The following ARHGAP26 variants were observed in gnomAD, a reference collection of about 807,000 sequenced individuals.
The protein encoded by ARHGAP26 is rho GTPase-activating protein 26.
A neutral mutation model predicts 104.8 loss-of-function variants in ARHGAP26; 38 were observed. The observed-to-expected ratio is 0.36, with a 90% CI of 0.28 to 0.48. ARHGAP26 has a LOEUF of 0.48. Ranked by LOEUF, ARHGAP26 falls within the 20% of genes least tolerant of loss-of-function variation. The probability of loss-of-function intolerance (pLI) is 0.99; values close to 1 mark genes in which losing one functional copy is unlikely to be tolerated. For synonymous variants in ARHGAP26, 341 were observed against 340.0 expected, an observed-to-expected ratio of 1.00 and a Z score of -0.03; for missense variants, 704 against 947.9, an observed-to-expected ratio of 0.74 and a Z score of 3.38.
At chr5:143,147,525 G>A in intron 20 of ARHGAP26, 144 bp downstream of exon 20, 1 of 946,198 alleles carries the variant, frequency 1.1e-6, no homozygotes, top group Non-Finnish European at 1.5e-6. Flanking sequence ...AGCTCAGCTG[G>A]CTTGTTGTGG....
chr5:142,941,550 C>T (rs1766354668), intron 11 of ARHGAP26, among the ~76,000 whole-genome samples: 1 of 152,078 alleles, frequency 6.6e-6, no homozygotes, highest in African/African-American at 2.4e-5. Flanking sequence ...ATCAAGAAGC[C>T]AGTTGCAAGC....
intron 20 of ARHGAP26, among the ~76,000 whole-genome samples, chr5:143,197,869 G>A (rs75116629): frequency 0.038 from 5,723 of 152,198 alleles, 153 homozygotes; most frequent in Non-Finnish European, 0.058. Context: ...GTCTAGCACC[G>A]TGTATAAAAG....
At chr5:143,191,744 T>C (rs1805951796) in intron 20 of ARHGAP26, among the ~76,000 whole-genome samples, 1 of 152,192 alleles carries the variant, frequency 6.6e-6, no homozygotes, top group African/African-American at 2.4e-5. Flanking sequence ...AGTGGGTGGC[T>C]GAGAATGAAT....
intron 1 of ARHGAP26, among the ~76,000 whole-genome samples, chr5:142,847,627 G>A (rs938008267): frequency 1.3e-5 from 2 of 152,212 alleles, no homozygotes; most frequent in Admixed American, 6.5e-5. Context: ...AAAGTGCTGG[G>A]ATTATAGGCG....
Position 143,157,172 on chromosome 5 carries a change from C to CTT in ARHGAP26, c.1988+9809_1988+9810dup, listed in dbSNP as rs56740224. ...TTGGACTAAGTTCAACACATTCTTTCTTTTTTTTTTTTTTTTTTTCTCGAG... is the reference window on the plus strand; with the variant it reads ...TTGGACTAAGTTCAACACATTCTTTCTTTTTTTTTTTTTTTTTTTTTCTCGAG... On this transcript the variant is annotated intron_variant, in intron 20 of 22. Coordinates refer to ENST00000645722, the MANE Select transcript of ARHGAP26 (RefSeq NM_001135608.3). Among the ~76,000 whole-genome samples the CTT allele has an allele frequency of 1.0e-3, 144 of 141,282 alleles. 1 individual carries two copies. The highest frequency in any genetic ancestry group is 3.6e-3 in the African/African-American group (134 of 37,530). 92.7% of individuals were successfully genotyped at this position (141,282 alleles called of 152,430 possible). A position where few individuals can be genotyped will look rare whatever the true frequency, so the allele number is the denominator to read the frequency against.
chr5:143,077,382 A>G (rs1233358766), intron 17 of ARHGAP26, among the ~76,000 whole-genome samples: 1 of 152,214 alleles, frequency 6.6e-6, no homozygotes, highest in African/African-American at 2.4e-5. Flanking sequence ...AGGATTACAG[A>G]TGGGCTGATG....
intron 20 of ARHGAP26, among the ~76,000 whole-genome samples, chr5:143,157,128 G>A (rs1236604295): frequency 6.6e-6 from 1 of 151,874 alleles, no homozygotes; most frequent in African/African-American, 2.4e-5. Flanking sequence ...TACAGGAAGG[G>A]AAGGGGGCAA....
Position 143,228,542 on chromosome 5 carries a change from C to G in ARHGAP26, c.*6096C>G. ...ACCCATGAATGCTTAGTAGCTAAGG[C>G]TAGTGTTCAAAAGCACTCTAAAAGA... On this transcript the variant is annotated 3_prime_UTR_variant, in exon 23 of 23. Coordinates refer to ENST00000645722, the MANE Select transcript of ARHGAP26 (RefSeq NM_001135608.3). 1 of 220,734 alleles carries G rather than the reference C, an allele frequency of 4.5e-6. No individual in the cohort carries two copies. The highest frequency in any genetic ancestry group is 9.1e-6 in the Non-Finnish European group (1 of 110,006). 13.7% of individuals were successfully genotyped at this position (220,734 alleles called of 1,614,324 possible).
At chr5:143,173,165 T>TA (rs1803014598) in intron 20 of ARHGAP26, 1 of 165,770 alleles carries the variant, frequency 6.0e-6, no homozygotes, top group Admixed American at 6.4e-5. Flanking sequence ...GGTAAGTGAG[T>TA]AAAAGTTACC....
chr5:143,074,576 A>G (rs1367139173), intron 17 of ARHGAP26, among the ~76,000 whole-genome samples: 1 of 152,258 alleles, frequency 6.6e-6, no homozygotes, highest in African/African-American at 2.4e-5. Context: ...CTCAGTGTTC[A>G]TAAAGTTTTA....
intron 1 of ARHGAP26, among the ~76,000 whole-genome samples, chr5:142,805,113 T>G (rs1370052766): frequency 2.0e-5 from 3 of 151,740 alleles, no homozygotes; most frequent in Admixed American, 1.3e-4. Flanking sequence ...TTTCTTTTTT[T>G]TTTTTTTGAG....
chr5:142,901,083 T>C (rs1310386217), intron 6 of ARHGAP26, among the ~76,000 whole-genome samples: 1 of 152,152 alleles, frequency 6.6e-6, no homozygotes, highest in African/African-American at 2.4e-5. Context: ...ACAGTGAGGT[T>C]TGGATGTAAG....
chr5:142,786,003 AGTCTT>A (rs1432953514), intron 1 of ARHGAP26, among the ~76,000 whole-genome samples: 17 of 150,056 alleles, frequency 1.1e-4, no homozygotes, highest in Admixed American at 9.2e-4. Context: ...AAATAGACAG[AGTCTT>A]GTCTTGTCAC....
At chr5:142,949,872 G>A (rs1768035999) in intron 11 of ARHGAP26, among the ~76,000 whole-genome samples, 1 of 152,218 alleles carries the variant, frequency 6.6e-6, no homozygotes, top group East Asian at 1.9e-4. Context: ...AAAGTTCATA[G>A]CATTTATTAA....
chr5:142,899,466 A>G (rs759031630), intron 6 of ARHGAP26, among the ~76,000 whole-genome samples: 2 of 152,222 alleles, frequency 1.3e-5, no homozygotes, highest in Non-Finnish European at 2.9e-5. Flanking sequence ...AGAAGGAGGC[A>G]CAGGGAGGCG....
intron 1 of ARHGAP26, among the ~76,000 whole-genome samples, chr5:142,796,988 G>C (rs1329340554): frequency 1.3e-5 from 2 of 152,206 alleles, no homozygotes; most frequent in Non-Finnish European, 2.9e-5. Context: ...TGACTAGCCT[G>C]GTTGGCTATA....
At chr5:143,159,969 A>G (rs1372583831) in intron 20 of ARHGAP26, among the ~76,000 whole-genome samples, 1 of 152,150 alleles carries the variant, frequency 6.6e-6, no homozygotes, top group South Asian at 2.1e-4. Context: ...TTTAGCTTCA[A>G]AAACTCAGAA....
intron 13 of ARHGAP26, among the ~76,000 whole-genome samples, chr5:143,040,934 T>C (rs548037029): frequency 3.0e-4 from 46 of 152,216 alleles, no homozygotes; most frequent in Non-Finnish European, 5.6e-4. Flanking sequence ...TGGGAAGCTA[T>C]TGGAGGGTTT....
intron 22 of ARHGAP26, among the ~76,000 whole-genome samples, chr5:143,214,566 G>T (rs937393702): frequency 2.6e-4 from 39 of 152,316 alleles, no homozygotes; most frequent in Middle Eastern, 3.4e-3. Context: ...TGGGCAGTGG[G>T]TGCTGCACCT....
Sources: allele counts gnomAD v4.1 joint callset (sites outside exome capture counted in the v4.1 genomes callset), GRCh38; gene constraint gnomAD v4.1.1; transcripts MANE v1.5; gene names NCBI Gene and HGNC (gene_info 2026-07-23, HGNC 2026-07-21).